Variants in ALPK2 observed in about 807,000 individuals in gnomAD.
ALPK2 encodes the protein alpha-protein kinase 2.
In ALPK2, 127 loss-of-function variants were observed where a neutral mutation model predicts 163.1. That is an observed-to-expected ratio of 0.78 (90% CI 0.67 to 0.90). The LOEUF (loss-of-function observed/expected upper bound fraction) is 0.90. ALPK2 is among the 40% of genes least tolerant of loss of function. The pLI is 0.00. For missense variants in ALPK2, 2,360 were observed against 2,589.6 expected, an observed-to-expected ratio of 0.91 and a Z score of 1.92; for synonymous variants, 953 against 959.1, an observed-to-expected ratio of 0.99 and a Z score of 0.12.
chr18:58,607,232 A>C, intron 3 of ALPK2, 90 bp downstream of exon 3: 1 of 853,872 alleles, frequency 1.2e-6, no homozygotes, highest in Admixed American at 2.8e-5. Flanking sequence ...AGCAAATATG[A>C]GCCAATCTTT....
chr18:58,612,397 T>C (rs931915454), intron 1 of ALPK2, among the ~76,000 whole-genome samples: 7 of 152,244 alleles, frequency 4.6e-5, no homozygotes, highest in Admixed American at 4.6e-4. Context: ...GACTGCTCCT[T>C]CTGAGCACCA....
At chr18:58,514,892 A>G in intron 10 of ALPK2, 101 bp downstream of exon 10, 1 of 761,648 alleles carries the variant, frequency 1.3e-6, no homozygotes, top group East Asian at 2.9e-5. Flanking sequence ...AGACTGAGAG[A>G]TCAGCTGAAA....
chr18:58,583,217 T>A (rs1178027955), intron 3 of ALPK2, among the ~76,000 whole-genome samples: 1 of 152,154 alleles, frequency 6.6e-6, no homozygotes, highest in Admixed American at 6.5e-5. Flanking sequence ...CAGAATCAGG[T>A]TGGAGTTGGG....
At chr18:58,565,112 G>GT (rs543512955) in intron 4 of ALPK2, among the ~76,000 whole-genome samples, 209 of 152,260 alleles carry the variant, frequency 1.4e-3, no homozygotes, top group African/African-American at 5.0e-3. Context: ...ATTCTATGTT[G>GT]TTTTGAAGCA....
chr18:58,533,421 C>T (rs2051626431), intron 5 of ALPK2, among the ~76,000 whole-genome samples: 2 of 151,306 alleles, frequency 1.3e-5, no homozygotes, highest in South Asian at 4.2e-4. Context: ...ATTTTGAGAG[C>T]TTTTGAAACA....
At chr18:58,482,319 T>C (rs974281374) in intron 12 of ALPK2, among the ~76,000 whole-genome samples, 1 of 152,078 alleles carries the variant, frequency 6.6e-6, no homozygotes, top group Non-Finnish European at 1.5e-5. Flanking sequence ...TGTACCAGCA[T>C]TTTATTGCCC....
At chr18:58,596,866 AC>A (rs2052043815) in intron 3 of ALPK2, among the ~76,000 whole-genome samples, 1 of 152,036 alleles carries the variant, frequency 6.6e-6, no homozygotes. Flanking sequence ...TGTTACCCAG[AC>A]TGGAGTGCAG....
At chr18:58,512,335 T>C (rs1210438368) in intron 10 of ALPK2, 1 of 152,284 alleles carries the variant, frequency 6.6e-6, no homozygotes, top group Admixed American at 6.5e-5. Flanking sequence ...TGTGACTCCA[T>C]TGATATTCAT....
Position 58,579,346 on chromosome 18 carries a change from T to C in ALPK2, c.1430A>G (p.Glu477Gly). The change falls in exon 4 of 13, where the codon GAG (glutamate) becomes GGG (glycine). Residue 477 changes from glutamate (E) to glycine (G), a missense_variant. Glu to Gly is a moderately conservative substitution (Grantham distance 98, BLOSUM62 -2). Coordinates refer to ENST00000361673, the MANE Select transcript of ALPK2 (RefSeq NM_052947.4). ...GETRDSHQAREEFASDNLLNM... is the reference protein window; with the variant it reads ...GETRDSHQARGEFASDNLLNM... ...GAGCAGATTGTCACTGGCAAATTCC[T>C]CTCTTGCTTGGTGGCTGTCTCTGGT... The C allele has an allele frequency of 1.2e-6, 2 of 1,614,198 alleles. No homozygotes were observed. The highest frequency in any genetic ancestry group is 2.2e-5 in the South Asian group (2 of 91,080).
At chr18:58,490,739 T>C (rs2051370314) in intron 12 of ALPK2, among the ~76,000 whole-genome samples, 1 of 152,202 alleles carries the variant, frequency 6.6e-6, no homozygotes, top group South Asian at 2.1e-4. Context: ...TGGCAACATA[T>C]TCTAGAATCC....
rs778622176 is a variant in ALPK2 at position 58,573,613 on chromosome 18, C to CTTTTTTTTTTTTT, written c.1962+5188_1962+5200dup. Among the ~76,000 whole-genome samples the CTTTTTTTTTTTTT allele has an allele frequency of 1.5e-3, 80 of 51,726 alleles. 1 individual carries two copies. Among genetic ancestry groups the CTTTTTTTTTTTTT allele is most frequent in the African/African-American group, 2.9e-3 (37 of 12,848 alleles). The allele number at this position is 51,726 out of a possible 152,430, so 33.9% of individuals were successfully genotyped here. A position where few individuals can be genotyped will look rare whatever the true frequency, so the allele number is the denominator to read the frequency against. On this transcript the variant is annotated intron_variant, in intron 4 of 12. Transcript: ENST00000361673. ...AGAGGCATGTTGCCATTTTTGTCTT[C>CTTTTTTTTTTTTT]TTTTTTTTTTTTTTTTTTTTTTTTA...
In ALPK2 at chr18:58,557,983, A is replaced by T. The variant is rs536771004; in HGVS notation, c.1963-19759T>A. On this transcript the variant is annotated intron_variant, in intron 4 of 12. Transcript: ENST00000361673. ...TAAAAATAATCACAATGACAACAGAAATCACTTAGAGCTGGACTATCCAAC... is the reference window on the plus strand; with the variant it reads ...TAAAAATAATCACAATGACAACAGATATCACTTAGAGCTGGACTATCCAAC... Among the ~76,000 whole-genome samples the T allele has an allele frequency of 2.0e-5, 3 of 152,274 alleles. No individual in the cohort carries two copies. In the East Asian group the frequency reaches 5.8e-4, roughly 29 times the overall value.
chr18:58,516,835 T>A (rs2051523922), intron 9 of ALPK2, 73 bp downstream of exon 9: 1 of 1,519,042 alleles, frequency 6.6e-7, no homozygotes, highest in Non-Finnish European at 9.0e-7. Context: ...CAATCCTGAG[T>A]CTGATTTTCA....
At chr18:58,532,239 T>C (rs1568076301) in intron 5 of ALPK2, among the ~76,000 whole-genome samples, 1 of 152,226 alleles carries the variant, frequency 6.6e-6, no homozygotes. Context: ...TGCTGGTTTG[T>C]AGTTAGATCA....
rs374792656 is a variant in ALPK2, at chr18:58,516,929, C to A, written c.5919G>T (p.Arg1973Ser). 7.6e-5 allele frequency: 123 copies of A among 1,613,600 alleles called. No individual in the cohort carries two copies. The highest frequency in any genetic ancestry group is 1.0e-4 in the Non-Finnish European group (122 of 1,179,698). The change falls in exon 9 of 13, where the codon AGG (arginine) becomes AGT (serine). Residue 1973 changes from arginine to serine, a missense_variant. Coordinates refer to ENST00000361673, the MANE Select transcript of ALPK2 (RefSeq NM_052947.4). ...GTRNNDELIQ[R>S]NYKLAAQECY... ...CCACCTGGGCAGCGAGTTTGTAGTT[C>A]CTTTGGATGAGCTCATCATTATTTC... is the stretch of plus-strand genomic sequence containing the variant.
At chr18:58,572,416 A>G (rs983006309) in intron 4 of ALPK2, among the ~76,000 whole-genome samples, 2 of 152,354 alleles carry the variant, frequency 1.3e-5, no homozygotes, top group African/African-American at 4.8e-5. Context: ...CATAGAAATG[A>G]AGACTTATGT....
chr18:58,590,091 C>G (rs916155198), intron 3 of ALPK2, among the ~76,000 whole-genome samples: 1 of 151,920 alleles, frequency 6.6e-6, no homozygotes, highest in African/African-American at 2.4e-5. Context: ...TGTGGTGGCA[C>G]GTGCCTGTAA....
chr18:58,581,207 A>G (rs1468900304), intron 3 of ALPK2, among the ~76,000 whole-genome samples: 1 of 152,236 alleles, frequency 6.6e-6, no homozygotes, highest in Non-Finnish European at 1.5e-5. Context: ...GACATTGTAC[A>G]CAAATAAGTA....
chr18:58,563,434 G>T (rs966525850), intron 4 of ALPK2, among the ~76,000 whole-genome samples: 2 of 152,208 alleles, frequency 1.3e-5, no homozygotes, highest in Non-Finnish European at 2.9e-5. Flanking sequence ...TGTATTGTCA[G>T]TTACCTTAGG....
Sources: gnomAD v4.1 joint callset for allele counts (sites outside exome capture counted in the v4.1 genomes callset) on GRCh38, gnomAD v4.1.1 for gene constraint, MANE v1.5 for transcripts, NCBI Gene and HGNC (gene_info 2026-07-23, HGNC 2026-07-21) for gene names.